Variants in GLYATL1 observed in about 807,000 individuals in gnomAD.
GLYATL1 encodes the protein glycine N-acyltransferase-like protein 1.
Under a neutral mutation model 20.0 loss-of-function variants are expected in GLYATL1, and 15 were observed. The ratio of observed to expected loss-of-function variants is 0.75; its 90% CI spans 0.50 to 1.15. The LOEUF (loss-of-function observed/expected upper bound fraction) is 1.15. Among genes scored for constraint, GLYATL1 ranks in the 50% most tolerant of loss-of-function variants. The pLI, the probability that GLYATL1 is intolerant of heterozygous loss-of-function variation, is 0.00. For synonymous variants in GLYATL1, 151 were observed against 131.5 expected, an observed-to-expected ratio of 1.15 and a Z score of -1.01; for missense variants, 380 against 368.5, an observed-to-expected ratio of 1.03 and a Z score of -0.26.
exon 2 of GLYATL1, chr11:58,907,674 T>A (rs1854935373): frequency 5.1e-6 from 1 of 196,888 alleles, no homozygotes; most frequent in Non-Finnish European, 1.1e-5. Flanking sequence ...TTTTAAATAC[T>A]TCCTGATTTT....
chr11:58,953,185 T>C (rs1217234265), intron 4 of GLYATL1, among the ~76,000 whole-genome samples: 1 of 152,240 alleles, frequency 6.6e-6, no homozygotes, highest in African/African-American at 2.4e-5. Flanking sequence ...AAGGTAGATG[T>C]TTAATTTCAT....
rs1469107193 is a variant in GLYATL1, at chr11:58,955,759, A to T, written c.641A>T (p.Glu214Val). 1 of 1,614,104 alleles carries T rather than the reference A, an allele frequency of 6.2e-7. No individual in the cohort carries two copies. Among genetic ancestry groups the T allele is most frequent in the African/African-American group, 1.3e-5 (1 of 74,926 alleles). ...DLPAACMLGP[E>V]GVPVSWVTMD... is the part of the protein sequence containing the mutation. ...CCAGCAGCCTGTATGCTCGGCCCAG[A>T]GGGAGTCCCGGTCTCATGGGTAACC... The change falls in exon 7 of 7, where the codon GAG (glutamate) becomes GTG (valine). Residue 214 changes from glutamate (E) to valine (V), a missense_variant. Transcript: ENST00000532726.
chr11:58,935,883 G>A (rs896462884), upstream of GLYATL1, among the ~76,000 whole-genome samples: 3 of 152,020 alleles, frequency 2.0e-5, no homozygotes, highest in Admixed American at 1.3e-4. Context: ...ATTCATCAAG[G>A]TTTATATATT....
At chr11:58,911,472 C>T (rs1361055341), downstream of GLYATL1, among the ~76,000 whole-genome samples, 4 of 152,180 alleles carry the variant, frequency 2.6e-5, no homozygotes, top group Non-Finnish European at 5.9e-5. Flanking sequence ...CCAGTTGTTT[C>T]ATATACTTGT....
chr11:58,907,455 A>T, exon 2 of GLYATL1: 1 of 424,076 alleles, frequency 2.4e-6, no homozygotes. Context: ...GCAAACCATT[A>T]TTTCATGTAT....
At position 58,956,122 on chromosome 11, in the gene GLYATL1, G is replaced by C; in HGVS notation, c.*95G>C. On this transcript the variant is annotated 3_prime_UTR_variant, in exon 7 of 7. Coordinates refer to ENST00000532726, the MANE Select transcript of GLYATL1 (RefSeq NM_001389712.2). Reference sequence around the variant, plus strand: ...TTCTTCACTTACAAATGCATATTGGGCACTTATAATACAGCAGGAACTCTT... The same window carrying C: ...TTCTTCACTTACAAATGCATATTGGCCACTTATAATACAGCAGGAACTCTT... 9.0e-7 allele frequency: 1 copy of C among 1,106,174 alleles called. No homozygotes were observed. The allele number at this position is 1,106,174 out of a possible 1,614,324, so 68.5% of individuals were successfully genotyped here.
downstream of GLYATL1, among the ~76,000 whole-genome samples, chr11:58,910,185 G>C (rs1304580123): frequency 6.6e-6 from 1 of 152,136 alleles, no homozygotes. Context: ...GAGAGGGGTA[G>C]AATAGCTTTC....
intron 1 of GLYATL1, among the ~76,000 whole-genome samples, chr11:58,906,487 G>C (rs978301166): frequency 6.6e-6 from 1 of 152,062 alleles, no homozygotes; most frequent in Non-Finnish European, 1.5e-5. Flanking sequence ...GTAGTGAGGG[G>C]GTGCTTTTTA....
chr11:58,933,874 G>A (rs1282562131), intron 1 of GLYATL1: 1 of 152,500 alleles, frequency 6.6e-6, no homozygotes, highest in Non-Finnish European at 1.5e-5. Flanking sequence ...TTAGCAGATG[G>A]TAGGCCTGTT....
rs762577192 is a variant in GLYATL1 at position 58,955,935 on chromosome 11, TC to T, written c.820del (p.Arg274AlafsTer26). The T allele has an allele frequency of 1.2e-6, 2 of 1,614,176 alleles. No homozygotes were observed. The highest frequency in any genetic ancestry group is 4.5e-5 in the East Asian group (2 of 44,886). On this transcript the variant is annotated frameshift_variant, in exon 7 of 7. Coordinates refer to ENST00000532726, the MANE Select transcript of GLYATL1 (RefSeq NM_001389712.2). LOFTEE classifies it low-confidence loss of function (END_TRUNC). ...CTCTGTGTTGGAAGAAAATGAAGAC[TC>T]CCGCAGATTTGTGGGGCAGTTTGGT... ...YISVLEENED[S>X]RRFVGQFGFF...
At chr11:58,930,560 T>C in intron 1 of GLYATL1, among the ~76,000 whole-genome samples, 1 of 152,190 alleles carries the variant, frequency 6.6e-6, no homozygotes, top group East Asian at 1.9e-4. Flanking sequence ...AAGAATGATA[T>C]TTACAAAACA....
chr11:58,947,905 G>A lies in GLYATL1; in HGVS notation c.126G>A (p.Met42Ile). ...TCAATCACGGGAACCCCTTCAACATGGAGGTGCTGGTGGATTCCTGGCCTG... is the reference window on the plus strand; with the variant it reads ...TCAATCACGGGAACCCCTTCAACATAGAGGTGCTGGTGGATTCCTGGCCTG... ...YHINHGNPFN[M>I]EVLVDSWPEY... The change falls in exon 4 of 7, where the codon ATG becomes ATA. Residue 42 changes from methionine to isoleucine, a missense_variant. By Grantham distance (10) the Met-to-Ile change is conservative (BLOSUM62 1). Coordinates refer to ENST00000532726, the MANE Select transcript of GLYATL1 (RefSeq NM_001389712.2). 6.2e-7 allele frequency: 1 copy of A among 1,613,998 alleles called. No individual in the cohort carries two copies. Among genetic ancestry groups the A allele is most frequent in the Non-Finnish European group, 8.5e-7 (1 of 1,179,932 alleles).
At chr11:58,914,532 G>A (rs562727806) in intron 1 of GLYATL1, among the ~76,000 whole-genome samples, 3 of 152,166 alleles carry the variant, frequency 2.0e-5, no homozygotes, top group South Asian at 2.1e-4. Context: ...GTGCAGGCCC[G>A]GTGAGATATC....
chr11:58,930,682 C>A (rs185910597), intron 1 of GLYATL1, among the ~76,000 whole-genome samples: 128 of 152,122 alleles, frequency 8.4e-4, no homozygotes, highest in Non-Finnish European at 1.6e-3. Flanking sequence ...GATTTGTTAA[C>A]CTTTTATGGA....
intron 4 of GLYATL1, among the ~76,000 whole-genome samples, chr11:58,954,139 C>T (rs932076274): frequency 5.3e-5 from 8 of 152,176 alleles, no homozygotes; most frequent in African/African-American, 1.9e-4. Flanking sequence ...GTATCTTGCT[C>T]AAGCCCTGGA....
intron 1 of GLYATL1, among the ~76,000 whole-genome samples, chr11:58,915,804 G>A (rs1472505086): frequency 1.3e-5 from 2 of 152,174 alleles, no homozygotes; most frequent in Admixed American, 1.3e-4. Context: ...TTCTCCATTT[G>A]TCAAGTCCCA....
At position 58,955,161 on chromosome 11, in the gene GLYATL1, T is replaced by C; in HGVS notation, c.314-15T>C. The C allele has an allele frequency of 1.2e-6, 2 of 1,609,342 alleles. No individual in the cohort carries two copies. The highest frequency in any genetic ancestry group is 1.7e-6 in the Non-Finnish European group (2 of 1,177,630). On this transcript the variant is annotated splice_polypyrimidine_tract_variant and intron_variant, in intron 5 of 6. Transcript: ENST00000532726. ...TCCATGTCTGACAAGATTGCTTTCT[T>C]GGCTTTCTTCCCAGGTCTTCAAGAA...
chr11:58,937,785 A>T (rs1163784199), upstream of GLYATL1, among the ~76,000 whole-genome samples: 2 of 152,240 alleles, frequency 1.3e-5, no homozygotes, highest in Non-Finnish European at 1.5e-5. Flanking sequence ...GATGTCTTCC[A>T]ACGATGGCTG....
chr11:58,954,131 A>G (rs956158816), intron 4 of GLYATL1, among the ~76,000 whole-genome samples: 4 of 152,252 alleles, frequency 2.6e-5, no homozygotes, highest in African/African-American at 9.6e-5. Flanking sequence ...TCACTAAAGT[A>G]TCTTGCTCAA....
Sources: allele counts gnomAD v4.1 joint callset (sites outside exome capture counted in the v4.1 genomes callset), GRCh38; gene constraint gnomAD v4.1.1; transcripts MANE v1.5; gene names NCBI Gene and HGNC (gene_info 2026-07-23, HGNC 2026-07-21).